PHF21A: variants seen among roughly 807,000 people sequenced by gnomAD.
The protein encoded by PHF21A is BHC80a.
In PHF21A, 11 loss-of-function variants were observed where a neutral mutation model predicts 82.5. The ratio of observed to expected loss-of-function variants is 0.13; its 90% CI spans 0.08 to 0.22. PHF21A has a LOEUF of 0.22. PHF21A is among the 10% of genes least tolerant of loss of function. The pLI is 1.00. For missense variants in PHF21A, 579 were observed against 837.8 expected (o/e 0.69, Z 3.81); for synonymous variants, 297 against 302.8 (o/e 0.98, Z 0.20).
intron 2 of PHF21A, among the ~76,000 whole-genome samples, chr11:46,091,270 G>A (rs1340415585): frequency 6.6e-6 from 1 of 151,944 alleles, no homozygotes; most frequent in Non-Finnish European, 1.5e-5. Context: ...CTTGCACTAG[G>A]CGACTACCCT....
At chr11:46,099,660 T>C (rs1437659736) in intron 1 of PHF21A, among the ~76,000 whole-genome samples, 1 of 151,624 alleles carries the variant, frequency 6.6e-6, no homozygotes, top group African/African-American at 2.4e-5. Flanking sequence ...AAACTCAGAG[T>C]AGGCCTTACC....
chr11:46,001,277 G>C (rs1340155058), intron 6 of PHF21A, among the ~76,000 whole-genome samples: 1 of 151,328 alleles, frequency 6.6e-6, no homozygotes, highest in Non-Finnish European at 1.5e-5. Flanking sequence ...CAAAGGTTCT[G>C]TGACCACCAG....
intron 6 of PHF21A, among the ~76,000 whole-genome samples, chr11:45,998,826 T>G (rs1343981243): frequency 9.0e-6 from 1 of 111,050 alleles, no homozygotes; most frequent in Non-Finnish European, 1.7e-5. Context: ...GGCCTTTTTT[T>G]GTTTTTGTTT....
At chr11:46,033,722 A>T (rs1297867999) in intron 6 of PHF21A, among the ~76,000 whole-genome samples, 1 of 152,248 alleles carries the variant, frequency 6.6e-6, no homozygotes, top group Non-Finnish European at 1.5e-5. Flanking sequence ...CCTCAAGCTG[A>T]GATGTGCTGC....
At chr11:46,039,047 G>A (rs1220962820) in intron 6 of PHF21A, among the ~76,000 whole-genome samples, 2 of 152,156 alleles carry the variant, frequency 1.3e-5, no homozygotes, top group African/African-American at 2.4e-5. Flanking sequence ...TACTGGAGCA[G>A]AGTGAGTGGG....
Position 45,965,395 on chromosome 11 carries a change from T to G in PHF21A, c.916A>C (p.Ser306Arg). Reference sequence around the variant, plus strand: ...GTCCCTGGAGTAGCTATCACAATGCTGGTGAGCTGGGCCATGGGGAACGTT... The same window carrying G: ...GTCCCTGGAGTAGCTATCACAATGCGGGTGAGCTGGGCCATGGGGAACGTT... ...AKTFPMAQLT[S>R]IVIATPGTRL... The change falls in exon 10 of 19, where the codon AGC becomes CGC. Residue 306 changes from serine to arginine, a missense_variant. Coordinates refer to ENST00000676320, the MANE Select transcript of PHF21A (RefSeq NM_001352027.3). 6.2e-7 allele frequency: 1 copy of G among 1,614,114 alleles called. No individual in the cohort carries two copies. Among genetic ancestry groups the G allele is most frequent in the Non-Finnish European group, 8.5e-7 (1 of 1,180,028 alleles).
rs375495711 is a variant in PHF21A, at chr11:45,934,191, C to T, written c.1823G>A (p.Arg608Gln). Residue 608 changes from arginine to glutamine, a missense_variant, in exon 19 of 19, where the codon CGG becomes CAG. Arg to Gln is a conservative substitution (Grantham distance 43, BLOSUM62 1). Coordinates refer to ENST00000676320, the MANE Select transcript of PHF21A (RefSeq NM_001352027.3). ...CAGGGAGCTGTGCATCTCCTTCTGC[C>T]GGGCCAGGATGGTGTTCTTCATTTC... is the stretch of plus-strand genomic sequence containing the variant. ...CMEMKNTILA[R>Q]QKEMHSSLEK... 1.8e-5 allele frequency: 29 copies of T among 1,613,696 alleles called. No individual in the cohort carries two copies. The highest frequency in any genetic ancestry group is 5.3e-5 in the African/African-American group (4 of 74,928).
rs979073498 is a variant in PHF21A at position 45,933,933 on chromosome 11, G to A, written c.*35C>T. On this transcript the variant is annotated 3_prime_UTR_variant, in exon 19 of 19. Transcript: ENST00000676320. Reference sequence around the variant, plus strand: ...TCTTCAGTGTTCTGTTCTCCTTGCCGCCGGGATCCCGTGGCTTCTCCTAGA... The same window carrying A: ...TCTTCAGTGTTCTGTTCTCCTTGCCACCGGGATCCCGTGGCTTCTCCTAGA... The A allele has an allele frequency of 1.9e-5, 28 of 1,485,310 alleles. No individual in the cohort carries two copies. The African/African-American group carries it at 2.4e-4, about 13-fold the overall frequency. 92.0% of individuals were successfully genotyped at this position (1,485,310 alleles called of 1,614,324 possible). A position where few individuals can be genotyped will look rare whatever the true frequency, so the allele number is the denominator to read the frequency against.
intron 4 of PHF21A, among the ~76,000 whole-genome samples, chr11:46,083,088 A>G (rs1410507532): frequency 6.6e-6 from 1 of 152,184 alleles, no homozygotes; most frequent in Non-Finnish European, 1.5e-5. Context: ...CCTCTATGTT[A>G]AACTAATTTC....
chr11:46,000,521 T>C (rs377652694), intron 6 of PHF21A, among the ~76,000 whole-genome samples: 2 of 152,234 alleles, frequency 1.3e-5, no homozygotes, highest in African/African-American at 4.8e-5. Context: ...CTCTATAACG[T>C]TTTTCTTTTG....
At chr11:46,028,571 C>CTTTT (rs869035139) in intron 6 of PHF21A, among the ~76,000 whole-genome samples, 4 of 106,312 alleles carry the variant, frequency 3.8e-5, no homozygotes, top group Non-Finnish European at 5.8e-5. Flanking sequence ...AAAAGCTTGC[C>CTTTT]TTTTTTTTTT....
chr11:45,936,731 G>A, intron 16 of PHF21A, 162 bp from the exon 17 acceptor site: 4 of 601,184 alleles, frequency 6.7e-6, no homozygotes, highest in Non-Finnish European at 1.2e-5. Context: ...GGACTAAAAA[G>A]TTCCAAATAT....
At chr11:46,031,821 T>C (rs1225224176) in intron 6 of PHF21A, among the ~76,000 whole-genome samples, 2 of 152,166 alleles carry the variant, frequency 1.3e-5, no homozygotes, top group Non-Finnish European at 2.9e-5. Context: ...AATCTGTAAG[T>C]ACTCAGGGGT....
At chr11:46,009,793 T>C (rs1430088303) in intron 6 of PHF21A, among the ~76,000 whole-genome samples, 1 of 152,226 alleles carries the variant, frequency 6.6e-6, no homozygotes, top group Non-Finnish European at 1.5e-5. Flanking sequence ...TTATGTGTTC[T>C]GCTTTGTCTT....
rs1311730265 is a variant in PHF21A at position 45,979,798 on chromosome 11, G to T, written c.322C>A (p.Gln108Lys). 1 of 1,614,004 alleles carries T rather than the reference G, an allele frequency of 6.2e-7. No individual in the cohort carries two copies. Among genetic ancestry groups the T allele is most frequent in the Admixed American group, 1.7e-5 (1 of 60,004 alleles). ...QQQYHHHHAQ[Q>K]SAAASPNLTA... ...AGGTTGGGAGAGGCTGCAGCTGACT[G>T]CTGGGCGTGGTGGTGGTGGTACTGC... The change falls in exon 7 of 19, where the codon CAG becomes AAG. Residue 108 changes from glutamine to lysine, a missense_variant. Around this residue, in one of 3 missense-constraint regions of PHF21A, gnomAD observed 410 missense variants for 642.1 expected, o/e 0.64. Transcript: ENST00000676320.
At chr11:45,979,174 G>A (rs928988963) in intron 7 of PHF21A, among the ~76,000 whole-genome samples, 1 of 151,982 alleles carries the variant, frequency 6.6e-6, no homozygotes, top group Non-Finnish European at 1.5e-5. Flanking sequence ...CTGCTACCAG[G>A]CCTGGCTAAT....
chr11:45,949,063 TC>T, intron 13 of PHF21A, 117 bp from the exon 14 acceptor site: 1 of 836,114 alleles, frequency 1.2e-6, no homozygotes, highest in Non-Finnish European at 2.1e-6. Flanking sequence ...TTAGTGCTAA[TC>T]ATCCTAAGGT....
At chr11:46,020,597 C>T (rs987002741) in intron 6 of PHF21A, among the ~76,000 whole-genome samples, 2 of 152,150 alleles carry the variant, frequency 1.3e-5, no homozygotes, top group Non-Finnish European at 2.9e-5. Flanking sequence ...CTATCCTCTT[C>T]GGTCCTATTT....
At chr11:45,957,751 C>CAAAAAAAAAAAAAAAAAAAAAAAAAG in intron 10 of PHF21A, among the ~76,000 whole-genome samples, 3 of 60,890 alleles carry the variant, frequency 4.9e-5, no homozygotes, top group Admixed American at 1.8e-4. Flanking sequence ...AAATTCAAAG[C>CAAAAAAAAAAAAAAAAAAAAAAAAAG]AAAAAAAAAA....
Sources: allele counts gnomAD v4.1 joint callset (sites outside exome capture counted in the v4.1 genomes callset), GRCh38; gene constraint gnomAD v4.1.1; regional missense constraint gnomAD v4.1.1; transcripts MANE v1.5; gene names NCBI Gene and HGNC (gene_info 2026-07-23, HGNC 2026-07-21).